Variants in APP observed in about 807,000 individuals in gnomAD.
APP encodes the protein amyloid-beta precursor protein.
APP carries 31 observed loss-of-function variants against 101.4 expected under a neutral mutation model. That is an observed-to-expected ratio of 0.31 (90% CI 0.23 to 0.41). The LOEUF (loss-of-function observed/expected upper bound fraction) is 0.41, where lower values mean the gene tolerates loss of function less well. Among genes scored for constraint, APP ranks in the 10% least tolerant of loss-of-function variants. APP has a pLI of 1.00. For missense variants in APP, 839 were observed against 1,003.7 expected, an observed-to-expected ratio of 0.84 and a Z score of 2.22; for synonymous variants, 366 against 364.4, an observed-to-expected ratio of 1.00 and a Z score of -0.05.
At chr21:25,942,481 G>A (rs892309379) in intron 13 of APP, 2 of 152,110 alleles carry the variant, frequency 1.3e-5, no homozygotes, top group Non-Finnish European at 2.9e-5. Flanking sequence ...GCTGTCTAAC[G>A]AGACTACCAA....
chr21:26,154,804 T>C (rs2063342396), intron 1 of APP, among the ~76,000 whole-genome samples: 1 of 152,006 alleles, frequency 6.6e-6, no homozygotes, highest in African/African-American at 2.4e-5. Flanking sequence ...AAAAAGGAGG[T>C]CTTATAGATT....
Position 26,017,198 on chromosome 21 carries a change from C to CAAAAAAAAAAAAAAAAAAAAAAAAAAAAA in APP, c.865+4641_865+4642insTTTTTTTTTTTTTTTTTTTTTTTTTTTTT, listed in dbSNP as rs35206910. Reference sequence around the variant, plus strand: ...TGGGTGACAGAGCGAGACTGTATCTCAAAAAAAAAAAAAAAAAAAATTCTT... The same window carrying CAAAAAAAAAAAAAAAAAAAAAAAAAAAAA: ...TGGGTGACAGAGCGAGACTGTATCTCAAAAAAAAAAAAAAAAAAAAAAAAAAAAAAAAAAAAAAAAAAAAAAAAATTCTT... On this transcript the variant is annotated intron_variant, in intron 6 of 17. Coordinates refer to ENST00000346798, the MANE Select transcript of APP (RefSeq NM_000484.4). 7.1e-5 allele frequency among the ~76,000 whole-genome samples: 4 copies of CAAAAAAAAAAAAAAAAAAAAAAAAAAAAA among 56,364 alleles called. 1 individual carries two copies. Among genetic ancestry groups the CAAAAAAAAAAAAAAAAAAAAAAAAAAAAA allele is most frequent in the African/African-American group, 3.4e-4 (4 of 11,810 alleles). The allele number at this position is 56,364 out of a possible 152,430, so 37.0% of individuals were successfully genotyped here.
intron 13 of APP, chr21:25,933,771 C>T (rs2040245625): frequency 6.6e-6 from 1 of 151,362 alleles, no homozygotes; most frequent in Admixed American, 6.6e-5. Context: ...AACTCTTTCA[C>T]GTTTTGGTAC....
intron 7 of APP, among the ~76,000 whole-genome samples, chr21:25,999,442 A>ACGGGCACTTCTACCCTC (rs1431804378): frequency 6.6e-6 from 1 of 152,202 alleles, no homozygotes; most frequent in African/African-American, 2.4e-5. Flanking sequence ...AGGGGGCAAG[A>ACGGGCACTTCTACCCTC]CGGGCACTTC....
At chr21:26,145,778 T>A (rs1443808915) in intron 1 of APP, among the ~76,000 whole-genome samples, 1 of 152,218 alleles carries the variant, frequency 6.6e-6, no homozygotes, top group Non-Finnish European at 1.5e-5. Context: ...GTTTTTTATA[T>A]AAATTACTGT....
chr21:25,958,476 G>A (rs112853596), intron 11 of APP, among the ~76,000 whole-genome samples: 6,236 of 152,028 alleles, frequency 0.041, 276 homozygotes, highest in East Asian at 0.19. Context: ...ACGGGGTTTC[G>A]CCATGTTAGC....
In APP at chr21:26,108,851, T is replaced by C. The variant is rs187167301; in HGVS notation, c.225+3128A>G. Reference sequence around the variant, plus strand: ...GTGAGCTGAGATTGTGCCACTGCACTGCAGCCTGGGCCACAAGAGCAAGAC... The same window carrying C: ...GTGAGCTGAGATTGTGCCACTGCACCGCAGCCTGGGCCACAAGAGCAAGAC... On this transcript the variant is annotated intron_variant, in intron 2 of 17. Transcript: ENST00000346798. 3.1e-4 allele frequency among the ~76,000 whole-genome samples: 47 copies of C among 151,868 alleles called. 1 individual carries two copies. In the East Asian group the frequency reaches 8.3e-3, roughly 27 times the overall value.
At chr21:25,986,603 G>A (rs905363380) in intron 8 of APP, among the ~76,000 whole-genome samples, 10 of 141,972 alleles carry the variant, frequency 7.0e-5, no homozygotes, top group African/African-American at 2.8e-4. Flanking sequence ...GGGAGGCTGA[G>A]GCAGGAGAAT....
chr21:26,140,502 T>C (rs2063020452), intron 1 of APP: 1 of 592,146 alleles, frequency 1.7e-6, no homozygotes, highest in Non-Finnish European at 2.5e-6. Context: ...TAGGATTTTC[T>C]TGGCACAAAG....
At chr21:25,967,248 C>G (rs2041831508) in intron 11 of APP, among the ~76,000 whole-genome samples, 1 of 151,994 alleles carries the variant, frequency 6.6e-6, no homozygotes, top group Non-Finnish European at 1.5e-5. Context: ...TGTGAAGCAG[C>G]AGATAGAAGC....
intron 1 of APP, among the ~76,000 whole-genome samples, chr21:26,168,700 A>G (rs950647237): frequency 2.6e-5 from 4 of 152,242 alleles, no homozygotes; most frequent in African/African-American, 4.8e-5. Context: ...GAAAACTGGA[A>G]TAATTCTACA....
intron 1 of APP, chr21:26,140,478 T>A (rs1278604375): frequency 7.9e-6 from 6 of 759,464 alleles, no homozygotes; most frequent in Non-Finnish European, 1.1e-5. Context: ...GTAGAGTAAA[T>A]CAATTTCCTT....
intron 1 of APP, among the ~76,000 whole-genome samples, chr21:26,163,328 A>G (rs1389555635): frequency 1.3e-5 from 2 of 151,902 alleles, no homozygotes; most frequent in African/African-American, 4.8e-5. Context: ...TCATAAGAAA[A>G]CCTTCTGACT....
intron 1 of APP, among the ~76,000 whole-genome samples, chr21:26,138,228 G>C (rs1220057771): frequency 6.6e-6 from 1 of 152,114 alleles, no homozygotes; most frequent in African/African-American, 2.4e-5. Context: ...GGGAGGTGCT[G>C]AAACAAGAAC....
intron 8 of APP, among the ~76,000 whole-genome samples, chr21:25,995,802 T>C (rs1376679162): frequency 1.3e-5 from 2 of 152,254 alleles, no homozygotes; most frequent in Admixed American, 1.3e-4. Context: ...TTATACATAA[T>C]GTGAATTATT....
intron 5 of APP, among the ~76,000 whole-genome samples, chr21:26,034,489 A>G (rs1442228691): frequency 2.0e-5 from 3 of 151,932 alleles, no homozygotes; most frequent in African/African-American, 7.3e-5. Context: ...CTAAAACACA[A>G]AAAATAGCTG....
chr21:26,143,796 C>T (rs1456663955), intron 1 of APP, among the ~76,000 whole-genome samples: 1 of 152,058 alleles, frequency 6.6e-6, no homozygotes, highest in Non-Finnish European at 1.5e-5. Flanking sequence ...TGAAATCATG[C>T]AGTATTTGTT....
At chr21:25,939,540 A>C (rs1213686044) in intron 13 of APP, among the ~76,000 whole-genome samples, 2 of 152,256 alleles carry the variant, frequency 1.3e-5, no homozygotes, top group East Asian at 3.8e-4. Flanking sequence ...GCCAAAAAAT[A>C]AGGGATGAGA....
intron 3 of APP, among the ~76,000 whole-genome samples, chr21:26,081,464 G>A (rs1439517755): frequency 6.6e-6 from 1 of 152,148 alleles, no homozygotes; most frequent in Non-Finnish European, 1.5e-5. Context: ...CCAGAAGAAG[G>A]AATTTCACAA....
Sources: allele counts gnomAD v4.1 joint callset (sites outside exome capture counted in the v4.1 genomes callset), GRCh38; gene constraint gnomAD v4.1.1; transcripts MANE v1.5; gene names NCBI Gene and HGNC (gene_info 2026-07-23, HGNC 2026-07-21).